HECA: variants seen among roughly 807,000 people sequenced by gnomAD.
HECA encodes the protein headcase protein homolog.
Under a neutral mutation model 37.6 loss-of-function variants are expected in HECA, and 13 were observed. The observed-to-expected ratio is 0.35, with a 90% CI of 0.23 to 0.55. HECA has a LOEUF of 0.55. Among genes scored for constraint, HECA ranks in the 20% least tolerant of loss-of-function variants. HECA has a pLI of 0.90. For synonymous variants in HECA, 307 were observed against 291.5 expected (o/e 1.05, Z -0.54); for missense variants, 527 against 701.9 (o/e 0.75, Z 2.82).
chr6:139,178,718 G>C lies in HECA; in HGVS notation c.*1613G>C, dbSNP rs1426518231. ...GCCTCCCAGGTAGCTGGGACTATAG[G>C]CACGTGCCACCACACCCGGCTAATT... On this transcript the variant is annotated 3_prime_UTR_variant, in exon 4 of 4. Transcript: ENST00000367658. 1 of 152,082 alleles carries C rather than the reference G, an allele frequency of 6.6e-6. No individual in the cohort carries two copies. Among genetic ancestry groups the C allele is most frequent in the East Asian group, 1.9e-4 (1 of 5,188 alleles). 9.4% of individuals were successfully genotyped at this position (152,082 alleles called of 1,614,324 possible).
Position 139,177,873 on chromosome 6 carries a change from A to AT in HECA, c.*768_*769insT, listed in dbSNP as rs1775074336. On this transcript the variant is annotated 3_prime_UTR_variant, in exon 4 of 4. Transcript: ENST00000367658. This position sits in a 1 kb window ranked among gnomAD's most constrained non-coding sequence, Gnocchi z 4.9. ...TAGCTTTTAAGGAGAACCCATGAATAACCTGATTTGGGCAGTGATGATTTA... is the reference window on the plus strand; with the variant it reads ...TAGCTTTTAAGGAGAACCCATGAATATACCTGATTTGGGCAGTGATGATTTA... 6.6e-6 allele frequency: 1 copy of AT among 152,220 alleles called. No homozygotes were observed. The highest frequency in any genetic ancestry group is 6.5e-5 in the Admixed American group (1 of 15,284). The allele number at this position is 152,220 out of a possible 1,614,324, so 9.4% of individuals were successfully genotyped here. A position where few individuals can be genotyped will look rare whatever the true frequency, so the allele number is the denominator to read the frequency against.
Position 139,178,828 on chromosome 6 carries a change from C to G in HECA, c.*1723C>G, listed in dbSNP as rs1225469891. ...TGACCTTGTGATCTGCCTGCCTCGG[C>G]CTCCCAAAGTGCTGGGATTACAGGC... is the stretch of plus-strand genomic sequence containing the variant. On this transcript the variant is annotated 3_prime_UTR_variant, in exon 4 of 4. Coordinates refer to ENST00000367658, the MANE Select transcript of HECA (RefSeq NM_016217.3). The G allele has an allele frequency of 1.3e-5, 2 of 152,238 alleles. No individual in the cohort carries two copies. Among genetic ancestry groups the G allele is most frequent in the African/African-American group, 2.4e-5 (1 of 41,442 alleles). 9.4% of individuals were successfully genotyped at this position (152,238 alleles called of 1,614,324 possible). A position where few individuals can be genotyped will look rare whatever the true frequency, so the allele number is the denominator to read the frequency against.
At position 139,166,959 on chromosome 6, in the gene HECA, T is replaced by G. The variant is rs1294712772; in HGVS notation, c.947T>G (p.Val316Gly). 1 of 1,614,180 alleles carries G rather than the reference T, an allele frequency of 6.2e-7. No individual in the cohort carries two copies. The highest frequency in any genetic ancestry group is 2.2e-5 in the East Asian group (1 of 44,874). ...AAGAAGGCCATGGCTGGGGGCCATG[T>G]GTTCAGAAATGCCCACTTTGATTAC... ...PHKKAMAGGH[V>G]FRNAHFDYSP... The change falls in exon 2 of 4, where the codon GTG becomes GGG. Residue 316 changes from valine (V) to glycine (G), a missense_variant. Physicochemically the swap from Val to Gly is moderately radical, Grantham distance 109. Transcript: ENST00000367658.
Position 139,135,162 on chromosome 6 carries a change from C to A in HECA, c.-235C>A. The A allele has an allele frequency of 5.2e-6, 1 of 190,984 alleles. No homozygotes were observed. The highest frequency in any genetic ancestry group is 1.0e-5 in the Non-Finnish European group (1 of 95,326). 11.8% of individuals were successfully genotyped at this position (190,984 alleles called of 1,614,324 possible). A position where few individuals can be genotyped will look rare whatever the true frequency, so the allele number is the denominator to read the frequency against. ...TCTCGCTTGCGCCCCGGGCCCGCGG[C>A]GCCCGCGCGGCTGCGAGCCTCGGGT... On this transcript the variant is annotated 5_prime_UTR_variant, in exon 1 of 4. Transcript: ENST00000367658.
intron 1 of HECA, among the ~76,000 whole-genome samples, chr6:139,160,934 G>A (rs1182993626): frequency 6.6e-6 from 1 of 152,142 alleles, no homozygotes; most frequent in East Asian, 1.9e-4. Flanking sequence ...TACAGATGAG[G>A]AAACAAAACT....
Position 139,174,422 on chromosome 6 carries a change from C to T in HECA, c.1350C>T (p.Cys450=), listed in dbSNP as rs1188093160. The part of the protein sequence containing the change: ...LMHLYAVCVD[C]LEGVHKIICI... ...ATCTGTATGCCGTGTGCGTGGACTG[C>T]CTGGAAGGGGTTCACAAGATCATCT... is the stretch of plus-strand genomic sequence containing the variant. Residue 450 remains cysteine (C), a synonymous_variant, in exon 3 of 4, where the codon TGC becomes TGT. Transcript: ENST00000367658. The T allele has an allele frequency of 6.2e-7, 1 of 1,613,734 alleles. No individual in the cohort carries two copies. Among genetic ancestry groups the T allele is most frequent in the Non-Finnish European group, 8.5e-7 (1 of 1,179,920 alleles).
At chr6:139,163,322 G>C (rs958982538) in intron 1 of HECA, among the ~76,000 whole-genome samples, 2 of 151,634 alleles carry the variant, frequency 1.3e-5, no homozygotes, top group Admixed American at 6.6e-5. Flanking sequence ...ATGTTACCTG[G>C]TGCTCTGGGA....
chr6:139,139,342 C>T (rs1774486851), intron 1 of HECA, among the ~76,000 whole-genome samples: 2 of 152,182 alleles, frequency 1.3e-5, no homozygotes. Context: ...CCTACCCATA[C>T]AGATGTAGTA....
Position 139,166,840 on chromosome 6 carries a change from C to T in HECA, c.828C>T (p.Gly276=). ...CCCCGGGCCAGTCCCCACCCACGGG[C>T]TACTCCATCCTCTCTCCTGCCCACT... ...GGSPGQSPPT[G]YSILSPAHFS... is the part of the protein sequence containing the mutation. The change falls in exon 2 of 4, where the codon GGC becomes GGT. Residue 276 remains glycine, a synonymous_variant. Transcript: ENST00000367658. The T allele has an allele frequency of 1.2e-6, 2 of 1,613,820 alleles. No homozygotes were observed. Among genetic ancestry groups the T allele is most frequent in the East Asian group, 2.2e-5 (1 of 44,862 alleles).
Position 139,135,319 on chromosome 6 carries a change from C to T in HECA, c.-78C>T. On this transcript the variant is annotated 5_prime_UTR_variant, in exon 1 of 4. It adds an upstream start codon to the 5' untranslated region. Coordinates refer to ENST00000367658, the MANE Select transcript of HECA (RefSeq NM_016217.3). Reference sequence around the variant, plus strand: ...CCGTTCTTTCCCGGAGCCGGCTTCACGCAGGGCCGGGAACGGCCGTGCCTC... The same window carrying T: ...CCGTTCTTTCCCGGAGCCGGCTTCATGCAGGGCCGGGAACGGCCGTGCCTC... 3 of 1,128,314 alleles carry T rather than the reference C, an allele frequency of 2.7e-6. No homozygotes were observed. Among genetic ancestry groups the T allele is most frequent in the South Asian group, 2.1e-5 (1 of 48,182 alleles). 69.9% of individuals were successfully genotyped at this position (1,128,314 alleles called of 1,614,324 possible).
chr6:139,143,859 C>CAAAAAAAAAAAAA (rs59382752), intron 1 of HECA, among the ~76,000 whole-genome samples: 1 of 135,418 alleles, frequency 7.4e-6, no homozygotes, highest in Non-Finnish European at 1.6e-5. Flanking sequence ...GACTCTGTCT[C>CAAAAAAAAAAAAA]AAAAAAAAAA....
At chr6:139,136,695 C>T (rs1244346516) in intron 1 of HECA, among the ~76,000 whole-genome samples, 1 of 150,834 alleles carries the variant, frequency 6.6e-6, no homozygotes, top group Non-Finnish European at 1.5e-5. Context: ...AGCGTAGTGG[C>T]GCAATCTCGG....
At chr6:139,135,812 C>T (rs1350675943) in intron 1 of HECA, 145 bp downstream of exon 1, 5 of 241,768 alleles carry the variant, frequency 2.1e-5, no homozygotes, top group Non-Finnish European at 3.3e-5. Flanking sequence ...CCGCGGCTGC[C>T]CCTTCGCGGT....
At chr6:139,150,545 T>G (rs1774638222) in intron 1 of HECA, among the ~76,000 whole-genome samples, 1 of 151,370 alleles carries the variant, frequency 6.6e-6, no homozygotes, top group East Asian at 1.9e-4. Flanking sequence ...ATTTTAAATA[T>G]TTTTTTCTTG....
chr6:139,151,489 C>G (rs1431613236), intron 1 of HECA, among the ~76,000 whole-genome samples: 1 of 152,080 alleles, frequency 6.6e-6, no homozygotes, highest in Non-Finnish European at 1.5e-5. Flanking sequence ...CGTGCTTTTT[C>G]TGCTACTTAA....
intron 1 of HECA, 81 bp from the exon 2 acceptor site, chr6:139,166,203 T>A (rs1464677688): frequency 8.8e-7 from 1 of 1,134,148 alleles, no homozygotes; most frequent in Admixed American, 2.3e-5. Flanking sequence ...AGAAAAACCT[T>A]ATACCATACT....
chr6:139,140,237 T>G (rs114347296), intron 1 of HECA, among the ~76,000 whole-genome samples: 3,158 of 152,338 alleles, frequency 0.021, 117 homozygotes, highest in African/African-American at 0.072. Flanking sequence ...AAATGTTTGC[T>G]TGCTGTTTAT....
chr6:139,155,618 GTCC>G (rs1487989823), intron 1 of HECA: 2 of 152,086 alleles, frequency 1.3e-5, no homozygotes, highest in African/African-American at 4.8e-5. Context: ...TTAGTCTGGA[GTCC>G]TCTTCCCATT....
intron 1 of HECA, chr6:139,144,309 A>T (rs1378662273): frequency 6.6e-6 from 1 of 152,248 alleles, no homozygotes; most frequent in Admixed American, 6.5e-5. Context: ...GCTCACTGTG[A>T]AGCTGGCAGA....
Sources: gnomAD v4.1 joint callset for allele counts (sites outside exome capture counted in the v4.1 genomes callset) on GRCh38, gnomAD v4.1.1 for gene constraint, Gnocchi (gnomAD v3.1) non-coding constraint, MANE v1.5 for transcripts, NCBI Gene and HGNC (gene_info 2026-07-23, HGNC 2026-07-21) for gene names.